Variants in PARD3 observed in about 807,000 individuals in gnomAD.
PARD3 encodes par-3 family cell polarity regulator.
In PARD3, 75 loss-of-function variants were observed where a neutral mutation model predicts 155.4. The ratio of observed to expected loss-of-function variants is 0.48; its 90% CI spans 0.40 to 0.58. The LOEUF (loss-of-function observed/expected upper bound fraction) is 0.58, where lower values mean the gene tolerates loss of function less well. Among genes scored for constraint, PARD3 ranks in the 20% least tolerant of loss-of-function variants. The pLI, the probability that PARD3 is intolerant of heterozygous loss-of-function variation, is 0.00. For synonymous variants in PARD3, 576 were observed against 610.5 expected (o/e 0.94, Z 0.83); for missense variants, 1,642 against 1,721.7 (o/e 0.95, Z 0.82).
At chr10:34,213,666 A>G (rs2133418568) in intron 22 of PARD3, among the ~76,000 whole-genome samples, 1 of 152,288 alleles carries the variant, frequency 6.6e-6, no homozygotes, top group East Asian at 1.9e-4. Context: ...AGGCCTTCAA[A>G]GGGCTCTCAA....
chr10:34,382,448 T>G, intron 9 of PARD3, 92 bp downstream of exon 9: 2 of 1,335,294 alleles, frequency 1.5e-6, no homozygotes, highest in South Asian at 2.7e-5. Context: ...TTTGGGTTAG[T>G]AGGTTGACTT....
At chr10:34,435,635 CAT>C (rs2076149014) in intron 5 of PARD3, among the ~76,000 whole-genome samples, 1 of 152,186 alleles carries the variant, frequency 6.6e-6, no homozygotes, top group Non-Finnish European at 1.5e-5. Context: ...TCGAGAAAAA[CAT>C]AGTATGTTTA....
At chr10:34,379,749 C>T (rs1019840220) in intron 9 of PARD3, among the ~76,000 whole-genome samples, 3 of 152,116 alleles carry the variant, frequency 2.0e-5, no homozygotes, top group Non-Finnish European at 4.4e-5. Flanking sequence ...AAACAGATTA[C>T]TGACCTTCTC....
intron 2 of PARD3, among the ~76,000 whole-genome samples, chr10:34,594,604 A>G (rs1236701036): frequency 2.0e-5 from 3 of 152,160 alleles, no homozygotes; most frequent in African/African-American, 7.2e-5. Flanking sequence ...GAGGACGACA[A>G]AAAGAAAATC....
At chr10:34,645,628 T>A (rs1260549964) in intron 2 of PARD3, among the ~76,000 whole-genome samples, 1 of 152,164 alleles carries the variant, frequency 6.6e-6, no homozygotes, top group Non-Finnish European at 1.5e-5. Context: ...CAGCAGACAG[T>A]ATGGCTTAAA....
rs1425321325 is a variant in PARD3 at position 34,395,716 on chromosome 10, A to G, written c.890+3614T>C. Among the ~76,000 whole-genome samples, 2 of 80,580 alleles carry G rather than the reference A, an allele frequency of 2.5e-5. 1 individual carries two copies. The highest frequency in any genetic ancestry group is 5.7e-4 in the East Asian group (2 of 3,512). The allele number at this position is 80,580 out of a possible 152,430, so 52.9% of individuals were successfully genotyped here. A position where few individuals can be genotyped will look rare whatever the true frequency, so the allele number is the denominator to read the frequency against. On this transcript the variant is annotated intron_variant, in intron 7 of 24. Transcript: ENST00000374788. ...GCCGGGCGCGGTGGCGGGCGCCTGT[A>G]GTCCCAGCTACTCGGGAGGCTGAGG...
At chr10:34,314,614 T>C (rs780112488) in intron 20 of PARD3, among the ~76,000 whole-genome samples, 20 of 152,262 alleles carry the variant, frequency 1.3e-4, no homozygotes, top group Non-Finnish European at 2.5e-4. Flanking sequence ...TTTGTGGAAT[T>C]CCATAGACTT....
rs777252646 is a variant in PARD3 at position 34,788,291 on chromosome 10, TCAC to T, written c.120+26582_120+26584del. ...CCAGTTCAAAGAAGCACTTTGTGTGTCACCCAGAAAGCGCAGGACCAGTTGATG... is the reference window on the plus strand; with the variant it reads ...CCAGTTCAAAGAAGCACTTTGTGTGTCCAGAAAGCGCAGGACCAGTTGATG... On this transcript the variant is annotated intron_variant, in intron 1 of 24. Coordinates refer to ENST00000374788, the MANE Select transcript of PARD3 (RefSeq NM_001184785.2). Among the ~76,000 whole-genome samples the T allele has an allele frequency of 9.2e-5, 14 of 152,248 alleles. No homozygotes were observed. The South Asian group carries it at 1.0e-3, about 11-fold the overall frequency.
intron 12 of PARD3, among the ~76,000 whole-genome samples, chr10:34,367,640 T>C (rs1840104706): frequency 1.3e-5 from 2 of 152,092 alleles, no homozygotes; most frequent in Admixed American, 6.6e-5. Flanking sequence ...GGCGAGAAGG[T>C]TGCAGTGAGC....
chr10:34,491,186 T>C (rs1036162196), intron 3 of PARD3, among the ~76,000 whole-genome samples: 11 of 152,332 alleles, frequency 7.2e-5, no homozygotes, highest in Admixed American at 2.6e-4. Context: ...TACAGCTTCA[T>C]GGAGTCAGTG....
chr10:34,760,908 G>A (rs1837363132), intron 1 of PARD3, among the ~76,000 whole-genome samples: 1 of 152,148 alleles, frequency 6.6e-6, no homozygotes, highest in South Asian at 2.1e-4. Flanking sequence ...CAGAAACTAT[G>A]AGTCAGTAAA....
intron 1 of PARD3, among the ~76,000 whole-genome samples, chr10:34,782,972 A>G (rs140164432): frequency 0.017 from 2,592 of 152,050 alleles, 65 homozygotes; most frequent in African/African-American, 0.059. Flanking sequence ...TGATCCACCT[A>G]CCTCGACCTC....
At chr10:34,195,881 T>A (rs1296251076) in intron 22 of PARD3, among the ~76,000 whole-genome samples, 4 of 152,150 alleles carry the variant, frequency 2.6e-5, no homozygotes, top group South Asian at 4.1e-4. Flanking sequence ...ACCTCAAACC[T>A]TAGTTTCCTG....
chr10:34,269,984 T>C (rs2133857266), intron 21 of PARD3, 85 bp from the exon 22 acceptor site: 24 of 1,301,846 alleles, frequency 1.8e-5, no homozygotes, highest in East Asian at 2.4e-5. Flanking sequence ...AAATATGTTG[T>C]AAAATATATT....
chr10:34,639,618 G>A (rs974406348), intron 2 of PARD3, among the ~76,000 whole-genome samples: 6 of 152,166 alleles, frequency 3.9e-5, no homozygotes, highest in Non-Finnish European at 5.9e-5. Flanking sequence ...ACCACTTTGC[G>A]AGGCCAAAGC....
At chr10:34,295,254 G>A (rs1956854071) in intron 20 of PARD3, among the ~76,000 whole-genome samples, 1 of 152,186 alleles carries the variant, frequency 6.6e-6, no homozygotes, top group Non-Finnish European at 1.5e-5. Context: ...AGAACACGGA[G>A]ATGTGTTGTC....
intron 2 of PARD3, among the ~76,000 whole-genome samples, chr10:34,561,669 C>T (rs1256945459): frequency 2.6e-5 from 4 of 151,948 alleles, no homozygotes; most frequent in African/African-American, 9.7e-5. Context: ...CAGGCGTGCG[C>T]CACCATGCCT....
At chr10:34,329,243 T>C (rs1158891233) in intron 19 of PARD3, among the ~76,000 whole-genome samples, 1 of 152,112 alleles carries the variant, frequency 6.6e-6, no homozygotes, top group Non-Finnish European at 1.5e-5. Context: ...CCTGTTACAT[T>C]TGAAATGAGT....
chr10:34,814,832 TCCCCGCCGCCGC>T (rs1427364291), intron 1 of PARD3, 32 bp downstream of exon 1: 2 of 1,202,222 alleles, frequency 1.7e-6, no homozygotes, highest in Non-Finnish European at 2.3e-6. Context: ...CCCGGCGCCG[TCCCCGCCGCCGC>T]CCCCTCCCCG....
Sources: allele counts gnomAD v4.1 joint callset (sites outside exome capture counted in the v4.1 genomes callset), GRCh38; gene constraint gnomAD v4.1.1; transcripts MANE v1.5; gene names NCBI Gene and HGNC (gene_info 2026-07-23, HGNC 2026-07-21).